The following TMEM232 variants were observed in gnomAD, a reference collection of about 807,000 sequenced individuals.
TMEM232 encodes the protein transmembrane protein 232.
A neutral mutation model predicts 78.8 loss-of-function variants in TMEM232; 80 were observed. The observed-to-expected ratio is 1.01, with a 90% CI of 0.85 to 1.22. The LOEUF (loss-of-function observed/expected upper bound fraction) is 1.22. Among genes scored for constraint, TMEM232 ranks in the 50% most tolerant of loss-of-function variants. The pLI is 0.00. For missense variants in TMEM232, 881 were observed against 742.2 expected (o/e 1.19, Z -2.17); for synonymous variants, 297 against 254.3 (o/e 1.17, Z -1.60).
intron 8 of TMEM232, among the ~76,000 whole-genome samples, chr5:110,611,519 T>A (rs1782278131): frequency 6.6e-6 from 1 of 152,162 alleles, no homozygotes; most frequent in Non-Finnish European, 1.5e-5. Flanking sequence ...ACTGTTTCCC[T>A]CCACCCAGAC....
At chr5:110,638,136 T>C in intron 5 of TMEM232, 62 bp downstream of exon 5, 2 of 1,262,668 alleles carry the variant, frequency 1.6e-6, no homozygotes, top group Non-Finnish European at 2.2e-6. Flanking sequence ...AAAACAGATG[T>C]CATGTTGTTA....
chr5:110,499,627 ACC>A (rs140788823), intron 12 of TMEM232, among the ~76,000 whole-genome samples: 13 of 119,526 alleles, frequency 1.1e-4, no homozygotes, highest in African/African-American at 5.0e-4. Flanking sequence ...ATATGTATAC[ACC>A]CCCCCCCACA....
At chr5:110,592,320 T>C (rs1358979305) in intron 10 of TMEM232, among the ~76,000 whole-genome samples, 4 of 152,172 alleles carry the variant, frequency 2.6e-5, no homozygotes, top group African/African-American at 9.7e-5. Flanking sequence ...TTCAACATGT[T>C]ATCAACTTAT....
upstream of TMEM232, chr5:110,738,222 A>G: frequency 1.6e-6 from 2 of 1,287,320 alleles, no homozygotes; most frequent in Non-Finnish European, 2.0e-6. Context: ...GCCTGGCCCA[A>G]GAGCCCGTGG....
intron 2 of TMEM232, among the ~76,000 whole-genome samples, chr5:110,661,943 T>G (rs1299601140): frequency 6.6e-6 from 1 of 152,204 alleles, no homozygotes; most frequent in Non-Finnish European, 1.5e-5. Flanking sequence ...TTGTATGTCT[T>G]TTTTTGAGAA....
rs1243572418 is a variant in TMEM232, at chr5:110,451,633, T to C, written c.1704-26717A>G. 3.3e-5 allele frequency among the ~76,000 whole-genome samples: 5 copies of C among 152,292 alleles called. No homozygotes were observed. The East Asian group carries it at 9.6e-4, about 29-fold the overall frequency. ...ATAGAATGATTTTTTAATGTTTTCA[T>C]GTTCAAAACCTATTTTCCCCTTAAA... On this transcript the variant is annotated intron_variant, in intron 12 of 13. Coordinates refer to ENST00000455884, the MANE Select transcript of TMEM232 (RefSeq NM_001039763.4).
chr5:110,472,352 T>C (rs1762779197), intron 12 of TMEM232, among the ~76,000 whole-genome samples: 2 of 151,732 alleles, frequency 1.3e-5, no homozygotes, highest in Non-Finnish European at 2.9e-5. Flanking sequence ...GTAAAAAATC[T>C]CCAAAACAAA....
intron 11 of TMEM232, among the ~76,000 whole-genome samples, chr5:110,554,038 G>A (rs1309013086): frequency 3.3e-5 from 5 of 151,940 alleles, no homozygotes; most frequent in Admixed American, 1.3e-4. Context: ...ATGTTGAATC[G>A]ATCTTCCATC....
chr5:110,652,877 C>A (rs975718813), intron 2 of TMEM232, among the ~76,000 whole-genome samples: 1 of 152,122 alleles, frequency 6.6e-6, no homozygotes, highest in African/African-American at 2.4e-5. Context: ...TAAGAGCAGT[C>A]CTGTGGAACA....
At chr5:110,649,416 G>T (rs930216282) in intron 2 of TMEM232, among the ~76,000 whole-genome samples, 7 of 152,106 alleles carry the variant, frequency 4.6e-5, no homozygotes, top group African/African-American at 1.7e-4. Flanking sequence ...TGTTCATATA[G>T]TCTTCTGTAT....
At chr5:110,657,277 T>G (rs1366164934) in intron 2 of TMEM232, among the ~76,000 whole-genome samples, 2 of 152,172 alleles carry the variant, frequency 1.3e-5, no homozygotes, top group South Asian at 4.1e-4. Context: ...ATAATCAGTA[T>G]GTGAAAGAGA....
At chr5:110,685,148 T>C (rs542038421) in intron 1 of TMEM232, among the ~76,000 whole-genome samples, 1 of 152,004 alleles carries the variant, frequency 6.6e-6, no homozygotes, top group Non-Finnish European at 1.5e-5. Flanking sequence ...ACAATGAAAT[T>C]TGAAAAATAT....
intron 12 of TMEM232, among the ~76,000 whole-genome samples, chr5:110,512,134 T>C (rs564006822): frequency 6.6e-6 from 1 of 152,218 alleles, no homozygotes; most frequent in South Asian, 2.1e-4. Context: ...TAATTTTACA[T>C]GAATATGTGT....
intron 1 of TMEM232, among the ~76,000 whole-genome samples, chr5:110,686,607 C>T (rs1019810269): frequency 2.0e-5 from 3 of 151,916 alleles, no homozygotes; most frequent in African/African-American, 7.3e-5. Context: ...TTATAGATAA[C>T]CAGAACCCTT....
At chr5:110,470,749 G>A (rs540848804) in intron 12 of TMEM232, among the ~76,000 whole-genome samples, 1 of 152,220 alleles carries the variant, frequency 6.6e-6, no homozygotes, top group East Asian at 1.9e-4. Flanking sequence ...ATTTCTCTAT[G>A]AAAGCCACTT....
At chr5:110,469,456 C>A (rs1042901334) in intron 12 of TMEM232, among the ~76,000 whole-genome samples, 1 of 152,188 alleles carries the variant, frequency 6.6e-6, no homozygotes, top group Non-Finnish European at 1.5e-5. Flanking sequence ...AGAGACCAAG[C>A]TGAAGTTACA....
chr5:110,480,746 A>G (rs554330134), intron 12 of TMEM232, among the ~76,000 whole-genome samples: 1 of 152,244 alleles, frequency 6.6e-6, no homozygotes, highest in South Asian at 2.1e-4. Context: ...AGGGCATAAA[A>G]GACCAACTAT....
rs70999966 is a variant in TMEM232 at position 110,406,265 on chromosome 5, TACACACACACACACACAC to T, written n.309-8429_309-8412del. Among the ~76,000 whole-genome samples, 11 of 143,686 alleles carry T rather than the reference TACACACACACACACACAC, an allele frequency of 7.7e-5. No individual in the cohort carries two copies. The South Asian group carries it at 1.8e-3, about 24-fold the overall frequency. 94.3% of individuals were successfully genotyped at this position (143,686 alleles called of 152,430 possible). On this transcript the variant is annotated intron_variant and non_coding_transcript_variant, in intron 2 of 8. Transcript: ENST00000507188. ...CATCTACCTATGACACAGATATATA[TACACACACACACACACAC>T]ACACACACACACACACACACACATA... is the stretch of plus-strand genomic sequence containing the variant.
intron 12 of TMEM232, among the ~76,000 whole-genome samples, chr5:110,501,950 ATTGT>A (rs768651557): frequency 1.4e-4 from 21 of 152,230 alleles, no homozygotes; most frequent in Admixed American, 3.3e-4. Flanking sequence ...ATTATATTGA[ATTGT>A]TTGTTACTAG....
Sources: gnomAD v4.1 joint callset for allele counts (sites outside exome capture counted in the v4.1 genomes callset) on GRCh38, gnomAD v4.1.1 for gene constraint, MANE v1.5 for transcripts, NCBI Gene and HGNC (gene_info 2026-07-23, HGNC 2026-07-21) for gene names.